SUMF1: variants seen among roughly 807,000 people sequenced by gnomAD.
SUMF1 encodes sulfatase modifying factor 1.
A neutral mutation model predicts 47.6 loss-of-function variants in SUMF1; 48 were observed. The ratio of observed to expected loss-of-function variants is 1.01; its 90% CI spans 0.80 to 1.28. The LOEUF (loss-of-function observed/expected upper bound fraction) is 1.28, where lower values mean the gene tolerates loss of function less well. Among genes scored for constraint, SUMF1 ranks in the 50% most tolerant of loss-of-function variants. The pLI is 0.00. For missense variants in SUMF1, 571 were observed against 485.4 expected, an observed-to-expected ratio of 1.18 and a Z score of -1.66; for synonymous variants, 230 against 192.1, an observed-to-expected ratio of 1.20 and a Z score of -1.63.
At chr3:4,194,889 T>C (rs565489841) in intron 8 of SUMF1, among the ~76,000 whole-genome samples, 10 of 152,262 alleles carry the variant, frequency 6.6e-5, no homozygotes, top group African/African-American at 2.4e-4. Context: ...ATATAAGCTA[T>C]AGAAAGTAAA....
At chr3:4,043,762 C>A (rs1476660147) in intron 9 of SUMF1, among the ~76,000 whole-genome samples, 2 of 152,104 alleles carry the variant, frequency 1.3e-5, no homozygotes, top group Admixed American at 1.3e-4. Flanking sequence ...CTTTGAATAC[C>A]TTCAGGGAAA....
In SUMF1 at chr3:4,449,827, C is replaced by G. The variant is rs115496925; in HGVS notation, c.445-487G>C. On this transcript the variant is annotated intron_variant, in intron 2 of 8. Transcript: ENST00000272902. ...GCCAATTCAAGCATCAAATGGAAATCTGTATTTTAATGATTTTATTTAACA... is the reference window on the plus strand; with the variant it reads ...GCCAATTCAAGCATCAAATGGAAATGTGTATTTTAATGATTTTATTTAACA... Among the ~76,000 whole-genome samples the G allele has an allele frequency of 3.9e-3, 600 of 152,304 alleles. 5 individuals are homozygous for G. Among genetic ancestry groups the G allele is most frequent in the African/African-American group, 0.014 (578 of 41,562 alleles).
At chr3:4,090,591 C>A (rs1341151172) in intron 8 of SUMF1, among the ~76,000 whole-genome samples, 1 of 152,078 alleles carries the variant, frequency 6.6e-6, no homozygotes, top group Non-Finnish European at 1.5e-5. Flanking sequence ...AGTGAATATA[C>A]AGATGCCTGA....
intron 8 of SUMF1, among the ~76,000 whole-genome samples, chr3:4,191,163 C>T (rs1695306846): frequency 6.6e-6 from 1 of 152,152 alleles, no homozygotes; most frequent in Non-Finnish European, 1.5e-5. Context: ...GACCAGGAAA[C>T]TCATCTTGAG....
intron 3 of SUMF1, among the ~76,000 whole-genome samples, chr3:4,441,257 G>C (rs1447402544): frequency 6.6e-6 from 1 of 152,118 alleles, no homozygotes; most frequent in Non-Finnish European, 1.5e-5. Context: ...TGGGTTGCTG[G>C]CTCCTTGTAA....
At chr3:4,457,038 G>GTATATATATATACGTGTGTA (rs2079670139) in intron 1 of SUMF1, among the ~76,000 whole-genome samples, 14 of 109,202 alleles carry the variant, frequency 1.3e-4, no homozygotes, top group South Asian at 2.7e-4. Flanking sequence ...ACGTGTGTGT[G>GTATATATATATACGTGTGTA]TATATATATA....
intron 8 of SUMF1, among the ~76,000 whole-genome samples, chr3:4,223,110 C>A (rs561444458): frequency 6.6e-6 from 1 of 152,042 alleles, no homozygotes; most frequent in African/African-American, 2.4e-5. Flanking sequence ...CAAAGATATA[C>A]CTTTTTAAAA....
intron 8 of SUMF1, among the ~76,000 whole-genome samples, chr3:4,248,858 G>A (rs560270677): frequency 4.8e-4 from 73 of 152,298 alleles, no homozygotes; most frequent in Admixed American, 9.8e-4. Flanking sequence ...GAGGAAAACC[G>A]GACATTCCCA....
At chr3:4,357,702 G>A (rs1464827336), downstream of SUMF1, among the ~76,000 whole-genome samples, 7 of 151,506 alleles carry the variant, frequency 4.6e-5, no homozygotes, top group East Asian at 3.9e-4. Context: ...TCTGCCTCCC[G>A]ACTTCAATTG....
In SUMF1 at chr3:4,362,041, CAG is replaced by C. The variant is rs1251420284; in HGVS notation, c.*101_*102del. On this transcript the variant is annotated 3_prime_UTR_variant, in exon 9 of 9. Coordinates refer to ENST00000272902, the MANE Select transcript of SUMF1 (RefSeq NM_182760.4). ...CATTGGGCAGGTATGTAACCCACCTCAGGGTGGGAATTCTTTGCATGGGATCG... is the reference window on the plus strand; with the variant it reads ...CATTGGGCAGGTATGTAACCCACCTCGGTGGGAATTCTTTGCATGGGATCG... 10 of 1,162,566 alleles carry C rather than the reference CAG, an allele frequency of 8.6e-6. No homozygotes were observed. The highest frequency in any genetic ancestry group is 1.0e-5 in the Non-Finnish European group (8 of 789,324). The allele number at this position is 1,162,566 out of a possible 1,614,324, so 72.0% of individuals were successfully genotyped here.
Position 4,265,136 on chromosome 3 carries a change from CAAAAAAAAAAA to C in SUMF1, c.1014+111183_1014+111193del, listed in dbSNP as rs71043507. Among the ~76,000 whole-genome samples the C allele has an allele frequency of 5.7e-4, 42 of 73,416 alleles. No individual in the cohort carries two copies. The Admixed American group carries it at 7.3e-3, about 13-fold the overall frequency. The allele number at this position is 73,416 out of a possible 152,430, so 48.2% of individuals were successfully genotyped here. ...TGGGTGACAGAGCGAGACTCCATCT[CAAAAAAAAAAA>C]AAAAAAAAAAAAGAACACTTAGGAC... On this transcript the variant is annotated intron_variant and NMD_transcript_variant, in intron 8 of 12. Coordinates refer to the SUMF1 transcript ENST00000448413.
chr3:4,248,441 A>G lies in SUMF1; in HGVS notation c.1014+127889T>C, dbSNP rs369023600. On this transcript the variant is annotated intron_variant and NMD_transcript_variant, in intron 8 of 12. Coordinates refer to the SUMF1 transcript ENST00000448413. ...TCCTGTAAGCAGTAGAGAAGAAAAG[A>G]TACAAGACACAAGGCAAAAGCAATT... Among the ~76,000 whole-genome samples the G allele has an allele frequency of 7.2e-5, 11 of 152,350 alleles. 2 individuals carry two copies. Among genetic ancestry groups the G allele is most frequent in the Admixed American group, 6.5e-5 (1 of 15,308 alleles).
At chr3:4,466,829 A>G in intron 1 of SUMF1, 147 bp downstream of exon 1, 3 of 1,247,330 alleles carry the variant, frequency 2.4e-6, no homozygotes, top group Non-Finnish European at 3.3e-6. Context: ...ACGGAGAAGG[A>G]ACTCCTCATA....
intron 7 of SUMF1, among the ~76,000 whole-genome samples, chr3:4,379,661 G>C (rs1457123905): frequency 6.6e-6 from 1 of 152,108 alleles, no homozygotes; most frequent in African/African-American, 2.4e-5. Flanking sequence ...GGCCAATATG[G>C]TGAAACCCCA....
chr3:4,424,764 A>G (rs1702015723), intron 3 of SUMF1, among the ~76,000 whole-genome samples: 1 of 152,232 alleles, frequency 6.6e-6, no homozygotes, highest in Admixed American at 6.5e-5. Context: ...ATGCATAACA[A>G]TGTTTGTTAG....
intron 7 of SUMF1, among the ~76,000 whole-genome samples, chr3:4,401,796 G>T (rs1575177990): frequency 6.6e-6 from 1 of 152,140 alleles, no homozygotes; most frequent in Non-Finnish European, 1.5e-5. Flanking sequence ...TCTGTGATAA[G>T]CCCAACCCAT....
intron 8 of SUMF1, among the ~76,000 whole-genome samples, chr3:4,325,608 TACACAC>T (rs139250144): frequency 0.011 from 1,638 of 149,374 alleles, 19 homozygotes; most frequent in African/African-American, 0.036. Flanking sequence ...TATATATGTG[TACACAC>T]ACACACACAC....
chr3:4,155,790 T>C (rs1694438955), intron 8 of SUMF1, among the ~76,000 whole-genome samples: 1 of 151,268 alleles, frequency 6.6e-6, no homozygotes, highest in Non-Finnish European at 1.5e-5. Context: ...TCTTGTAACA[T>C]CACACCATTT....
chr3:4,399,780 C>T (rs1390367798), intron 7 of SUMF1, among the ~76,000 whole-genome samples: 2 of 152,150 alleles, frequency 1.3e-5, no homozygotes, highest in African/African-American at 4.8e-5. Flanking sequence ...TTTTTTGAGA[C>T]AGAGTCTCGC....
Sources: gnomAD v4.1 joint callset for allele counts (sites outside exome capture counted in the v4.1 genomes callset) on GRCh38, gnomAD v4.1.1 for gene constraint, MANE v1.5 for transcripts, NCBI Gene and HGNC (gene_info 2026-07-23, HGNC 2026-07-21) for gene names.